GNB1L: variants seen among roughly 807,000 people sequenced by gnomAD.
GNB1L encodes G protein subunit beta 1 like, also known as guanine nucleotide-binding protein subunit beta-like protein 1.
In GNB1L, 20 loss-of-function variants were observed where a neutral mutation model predicts 29.1. That is an observed-to-expected ratio of 0.69 (90% CI 0.48 to 1.00). The LOEUF is 1.00. Among genes scored for constraint, GNB1L ranks in the 50% least tolerant of loss-of-function variants. The pLI, the probability that GNB1L is intolerant of heterozygous loss-of-function variation, is 0.00. For missense variants in GNB1L, 421 were observed against 464.9 expected (o/e 0.91, Z 0.87); for synonymous variants, 193 against 206.5 (o/e 0.93, Z 0.56).
intron 2 of GNB1L, among the ~76,000 whole-genome samples, chr22:19,840,547 C>T (rs371750455): frequency 2.0e-5 from 3 of 152,190 alleles, no homozygotes; most frequent in Admixed American, 6.5e-5. Context: ...GCATGGCTCA[C>T]ACCTGTAATC....
intron 2 of GNB1L, chr22:19,851,701 C>G: frequency 6.2e-7 from 1 of 1,600,488 alleles, no homozygotes; most frequent in Non-Finnish European, 8.5e-7. Flanking sequence ...CAGCATGGTA[C>G]TCAGCAAAAC....
intron 2 of GNB1L, among the ~76,000 whole-genome samples, chr22:19,827,671 C>CA (rs1038846367): frequency 3.3e-5 from 5 of 152,130 alleles, no homozygotes; most frequent in African/African-American, 1.2e-4. Context: ...AGCAGATTAG[C>CA]AAAAAATTAA....
At chr22:19,826,975 C>T (rs1937624366) in intron 2 of GNB1L, among the ~76,000 whole-genome samples, 1 of 152,106 alleles carries the variant, frequency 6.6e-6, no homozygotes, top group African/African-American at 2.4e-5. Flanking sequence ...CGCTGGGTAA[C>T]TTCCACATTA....
chr22:19,797,693 A>G lies in GNB1L; in HGVS notation c.732+4308T>C, dbSNP rs115823733. Among the ~76,000 whole-genome samples, 478 of 152,240 alleles carry G rather than the reference A, an allele frequency of 3.1e-3. 2 individuals carry two copies. The highest frequency in any genetic ancestry group is 0.011 in the African/African-American group (443 of 41,566). ...TGGCCAGTGAGGTAGGCGCCTTGCC[A>G]TGCCCTCAGCCACCTCGCCGTCCTA... is the stretch of plus-strand genomic sequence containing the variant. On this transcript the variant is annotated intron_variant, in intron 7 of 7. Transcript: ENST00000329517.
At chr22:19,853,003 C>T (rs1474813956) in intron 2 of GNB1L, among the ~76,000 whole-genome samples, 2 of 152,158 alleles carry the variant, frequency 1.3e-5, no homozygotes, top group Non-Finnish European at 2.9e-5. Context: ...ACGCACAGAC[C>T]GCGTCGTCAT....
chr22:19,847,896 C>T, intron 2 of GNB1L: 1 of 979,666 alleles, frequency 1.0e-6, no homozygotes, highest in Non-Finnish European at 1.2e-6. Context: ...TATGTACTGG[C>T]ATAAAGAGTG....
chr22:19,796,221 C>A (rs933412195), intron 7 of GNB1L, among the ~76,000 whole-genome samples: 41 of 152,330 alleles, frequency 2.7e-4, no homozygotes, highest in African/African-American at 9.1e-4. Context: ...CCATTTTAAA[C>A]TGGCATGTTC....
chr22:19,831,631 T>C (rs1477689647), intron 2 of GNB1L, among the ~76,000 whole-genome samples: 11 of 150,462 alleles, frequency 7.3e-5, no homozygotes, highest in African/African-American at 2.4e-4. Context: ...GCGGAGCTTG[T>C]AGTGAGCCAA....
At chr22:19,801,556 T>C (rs78818519) in intron 7 of GNB1L, among the ~76,000 whole-genome samples, 3,818 of 152,064 alleles carry the variant, frequency 0.025, 172 homozygotes, top group African/African-American at 0.088. Context: ...TTCCCAGCCT[T>C]CCTGCTGGGC....
At chr22:19,795,646 G>A (rs534629386) in intron 7 of GNB1L, among the ~76,000 whole-genome samples, 1 of 152,318 alleles carries the variant, frequency 6.6e-6, no homozygotes, top group Admixed American at 6.5e-5. Context: ...CCCCCACCAA[G>A]GAACCTACAG....
At chr22:19,838,466 TA>T (rs1167516504) in intron 2 of GNB1L, among the ~76,000 whole-genome samples, 3 of 125,028 alleles carry the variant, frequency 2.4e-5, no homozygotes, top group African/African-American at 1.2e-4. Context: ...TTTATTTTTT[TA>T]TTTTTATTTT....
At chr22:19,851,440 G>A (rs1277436836) in intron 2 of GNB1L, 2 of 1,614,066 alleles carry the variant, frequency 1.2e-6, no homozygotes, top group African/African-American at 1.3e-5. Flanking sequence ...ATGTAGAACT[G>A]GGCAGGACTG....
In GNB1L at chr22:19,825,197, G is replaced by A. The variant is rs905765894; in HGVS notation, c.-20-3822C>T. On this transcript the variant is annotated intron_variant, in intron 2 of 7. Coordinates refer to ENST00000329517, the MANE Select transcript of GNB1L (RefSeq NM_053004.3). ...TATCTCACACAAGGGCATGGAACTA[G>A]CTCCAGCATCCCCCGAGGAAGCTCC... 3.3e-5 allele frequency among the ~76,000 whole-genome samples: 5 copies of A among 152,246 alleles called. No homozygotes were observed. In the South Asian group the frequency reaches 1.0e-3, roughly 31 times the overall value.
In GNB1L at chr22:19,784,477, T is replaced by C. The variant is rs1245117316; in HGVS notation, c.*4232A>G. ...TGGTCCCAGACCCAGGGCCGTCTGT[T>C]GGCCTGCAGGTAACACGCAGGGAGG... is the stretch of plus-strand genomic sequence containing the variant. On this transcript the variant is annotated 3_prime_UTR_variant, in exon 8 of 8. Coordinates refer to ENST00000329517, the MANE Select transcript of GNB1L (RefSeq NM_053004.3). 3 of 152,214 alleles carry C rather than the reference T, an allele frequency of 2.0e-5. No individual in the cohort carries two copies. The highest frequency in any genetic ancestry group is 4.4e-5 in the Non-Finnish European group (3 of 68,064). 9.4% of individuals were successfully genotyped at this position (152,214 alleles called of 1,614,324 possible).
chr22:19,795,838 C>T (rs553635325), intron 7 of GNB1L, among the ~76,000 whole-genome samples: 26 of 152,292 alleles, frequency 1.7e-4, no homozygotes, highest in Admixed American at 2.0e-4. Flanking sequence ...AACGGCCCCT[C>T]AGCATCCAGG....
chr22:19,844,243 T>C (rs1937914941), intron 2 of GNB1L, among the ~76,000 whole-genome samples: 1 of 152,224 alleles, frequency 6.6e-6, no homozygotes, highest in African/African-American at 2.4e-5. Flanking sequence ...GCGTGATTCG[T>C]TCCCGAGCAG....
intron 4 of GNB1L, among the ~76,000 whole-genome samples, chr22:19,814,851 A>G (rs1937518862): frequency 6.6e-6 from 1 of 152,134 alleles, no homozygotes; most frequent in South Asian, 2.1e-4. Flanking sequence ...TGGGTAACAT[A>G]GTGAGACTCC....
chr22:19,802,349 C>T, intron 6 of GNB1L, 133 bp from the exon 7 acceptor site: 1 of 695,224 alleles, frequency 1.4e-6, no homozygotes, highest in Middle Eastern at 3.4e-4. Flanking sequence ...ACGTGGCTGC[C>T]ACAGCTCAGA....
intron 2 of GNB1L, among the ~76,000 whole-genome samples, chr22:19,836,177 A>G (rs1386101304): frequency 6.6e-6 from 1 of 151,970 alleles, no homozygotes; most frequent in African/African-American, 2.4e-5. Context: ...AACAATAAAA[A>G]GAGAAGAGAC....
Sources: gnomAD v4.1 joint callset for allele counts (sites outside exome capture counted in the v4.1 genomes callset) on GRCh38, gnomAD v4.1.1 for gene constraint, MANE v1.5 for transcripts, NCBI Gene and HGNC (gene_info 2026-07-23, HGNC 2026-07-21) for gene names.